ADGRV1: variants seen among roughly 807,000 people sequenced by gnomAD.
ADGRV1 encodes G-protein coupled receptor 98.
Under a neutral mutation model 596.2 loss-of-function variants are expected in ADGRV1, and 359 were observed. That is an observed-to-expected ratio of 0.60 (90% CI 0.55 to 0.66). ADGRV1 has a LOEUF of 0.66. Among genes scored for constraint, ADGRV1 ranks in the 30% least tolerant of loss-of-function variants. The probability of loss-of-function intolerance (pLI) is 0.00; values close to 1 mark genes in which losing one functional copy is unlikely to be tolerated. For synonymous variants in ADGRV1, 2,681 were observed against 2,679.2 expected (o/e 1.00, Z -0.02); for missense variants, 7,274 against 7,575.6 (o/e 0.96, Z 1.48).
chr5:90,960,535 C>T (rs920270921), intron 83 of ADGRV1, among the ~76,000 whole-genome samples: 9 of 151,918 alleles, frequency 5.9e-5, no homozygotes, highest in Non-Finnish European at 1.0e-4. Context: ...TTATTTAAAA[C>T]GAGATTTATA....
chr5:90,865,901 C>T (rs1768044767), intron 83 of ADGRV1, among the ~76,000 whole-genome samples: 1 of 152,118 alleles, frequency 6.6e-6, no homozygotes, highest in South Asian at 2.1e-4. Flanking sequence ...GGAGTTATTA[C>T]AGTTCCAGCC....
In ADGRV1 at chr5:90,783,263, C is replaced by T; in HGVS notation, c.13371C>T (p.Val4457=). Residue 4457 remains valine, a synonymous_variant, in exon 66 of 90, where the codon GTC becomes GTT. Coordinates refer to ENST00000405460, the MANE Select transcript of ADGRV1 (RefSeq NM_032119.4). ...GVDYILHGST[V]TFQHGQNLSF... Reference sequence around the variant, plus strand: ...ATTACATTTTGCATGGCAGTACAGTCACCTTTCAGCATGGGCAAAACTTAA... The same window carrying T: ...ATTACATTTTGCATGGCAGTACAGTTACCTTTCAGCATGGGCAAAACTTAA... 2 of 1,613,506 alleles carry T rather than the reference C, an allele frequency of 1.2e-6. No individual in the cohort carries two copies. The highest frequency in any genetic ancestry group is 1.7e-6 in the Non-Finnish European group (2 of 1,179,528).
chr5:90,788,686 G>A (rs1759740179), intron 68 of ADGRV1, among the ~76,000 whole-genome samples: 1 of 151,322 alleles, frequency 6.6e-6, no homozygotes, highest in South Asian at 2.1e-4. Flanking sequence ...ATAGTTTGAA[G>A]GAAAAAATGG....
At chr5:90,600,063 C>T (rs1040302595) in intron 1 of ADGRV1, among the ~76,000 whole-genome samples, 4 of 152,052 alleles carry the variant, frequency 2.6e-5, no homozygotes, top group South Asian at 2.1e-4. Flanking sequence ...TAATATGACA[C>T]GCAAATACCT....
At chr5:91,030,564 G>GTCTTT (rs1554200824) in intron 85 of ADGRV1, among the ~76,000 whole-genome samples, 1 of 76,490 alleles carries the variant, frequency 1.3e-5, no homozygotes, top group Non-Finnish European at 3.0e-5. Flanking sequence ...ACTTTTGAGA[G>GTCTTT]TTCTTTTTAT....
intron 29 of ADGRV1, among the ~76,000 whole-genome samples, chr5:90,688,907 T>A (rs1453740987): frequency 6.6e-6 from 1 of 152,152 alleles, no homozygotes; most frequent in Non-Finnish European, 1.5e-5. Context: ...TATTTATTTG[T>A]GAAGAGCAAG....
intron 85 of ADGRV1, among the ~76,000 whole-genome samples, chr5:91,033,377 C>T (rs1044826229): frequency 1.3e-5 from 2 of 152,074 alleles, no homozygotes; most frequent in African/African-American, 4.8e-5. Flanking sequence ...AGATTCCAGA[C>T]CAGTTTTATG....
intron 20 of ADGRV1, chr5:90,654,183 A>G (rs1393535071): frequency 2.6e-5 from 14 of 537,608 alleles, no homozygotes; most frequent in South Asian, 6.4e-5. Context: ...AATAAACCCT[A>G]GCAGAGAGAT....
At chr5:91,097,021 G>T (rs1336211295) in intron 86 of ADGRV1, among the ~76,000 whole-genome samples, 4 of 152,132 alleles carry the variant, frequency 2.6e-5, no homozygotes, top group African/African-American at 9.7e-5. Context: ...GGTCATCCAT[G>T]GTGTAGCATA....
intron 38 of ADGRV1, among the ~76,000 whole-genome samples, chr5:90,707,561 G>A (rs1258003845): frequency 6.6e-6 from 1 of 152,020 alleles, no homozygotes; most frequent in Admixed American, 6.6e-5. Context: ...TTCCAAAGCT[G>A]TAAAATTAAA....
Position 90,848,087 on chromosome 5 carries a change from G to GT in ADGRV1, c.17020-541dup, listed in dbSNP as rs531418342. Among the ~76,000 whole-genome samples, 675 of 151,520 alleles carry GT rather than the reference G, an allele frequency of 4.5e-3. 4 individuals are homozygous for GT. The highest frequency in any genetic ancestry group is 0.015 in the African/African-American group (633 of 41,336). On this transcript the variant is annotated intron_variant, in intron 78 of 89. Transcript: ENST00000405460. ...GTCTCTCAAAAAAACAAATAACCCA[G>GT]TTTTTTTTTAGTAGGAAGGGTCATA...
chr5:90,611,566 A>T (rs1762731065), intron 1 of ADGRV1, among the ~76,000 whole-genome samples: 1 of 151,940 alleles, frequency 6.6e-6, no homozygotes, highest in Non-Finnish European at 1.5e-5. Context: ...GAGAAGAGGA[A>T]TGATGTCAGT....
intron 11 of ADGRV1, among the ~76,000 whole-genome samples, chr5:90,639,071 A>AACACACACACAC (rs67813883): frequency 0.056 from 8,313 of 147,944 alleles, 326 homozygotes; most frequent in Non-Finnish European, 0.079. Flanking sequence ...ACCAATTTAC[A>AACACACACACAC]ACACACACAC....
chr5:90,880,002 G>T (rs556579117), intron 83 of ADGRV1, among the ~76,000 whole-genome samples: 1 of 151,960 alleles, frequency 6.6e-6, no homozygotes, highest in South Asian at 2.1e-4. Flanking sequence ...GCAATTTTTA[G>T]ATTTCTATTT....
At chr5:91,099,019 G>C (rs79340025) in intron 86 of ADGRV1, among the ~76,000 whole-genome samples, 2,512 of 151,930 alleles carry the variant, frequency 0.017, 55 homozygotes, top group African/African-American at 0.054. Context: ...TGAGCCTTCT[G>C]GCCCTTTAGC....
At chr5:90,845,745 A>T (rs919545914) in intron 78 of ADGRV1, among the ~76,000 whole-genome samples, 6 of 151,930 alleles carry the variant, frequency 3.9e-5, no homozygotes, top group African/African-American at 1.5e-4. Context: ...GAGCTGTGTT[A>T]TTTTTTGCCT....
intron 27 of ADGRV1, among the ~76,000 whole-genome samples, chr5:90,682,026 C>T (rs1050950516): frequency 6.6e-6 from 1 of 151,990 alleles, no homozygotes; most frequent in Non-Finnish European, 1.5e-5. Context: ...ACCACCACGC[C>T]CGGCTAATTT....
In ADGRV1 at chr5:91,164,269, A is replaced by T. The variant is rs576792311; in HGVS notation, c.*369A>T. 1.2e-4 allele frequency: 40 copies of T among 329,510 alleles called. No individual in the cohort carries two copies. Among genetic ancestry groups the T allele is most frequent in the Non-Finnish European group, 2.2e-4 (37 of 167,992 alleles). The allele number at this position is 329,510 out of a possible 1,614,324, so 20.4% of individuals were successfully genotyped here. A position where few individuals can be genotyped will look rare whatever the true frequency, so the allele number is the denominator to read the frequency against. ...TAAAGAAACATTGTGCATGGGCAAAAAAAGCTAACTCTATATGTAGATGAT... is the reference window on the plus strand; with the variant it reads ...TAAAGAAACATTGTGCATGGGCAAATAAAGCTAACTCTATATGTAGATGAT... On this transcript the variant is annotated 3_prime_UTR_variant, in exon 90 of 90. Transcript: ENST00000405460.
Position 90,751,130 on chromosome 5 carries a change from A to G in ADGRV1, c.11121+433A>G, listed in dbSNP as rs367953275. ...GTGATATAGGTTGGGCTTCCTGTAA[A>G]TAGACTCTGAGATTGAGAGTTGTGG... On this transcript the variant is annotated intron_variant, in intron 53 of 89. Coordinates refer to ENST00000405460, the MANE Select transcript of ADGRV1 (RefSeq NM_032119.4). 3.3e-5 allele frequency among the ~76,000 whole-genome samples: 5 copies of G among 152,280 alleles called. No homozygotes were observed. The East Asian group carries it at 9.7e-4, about 29-fold the overall frequency.
Sources: gnomAD v4.1 joint callset for allele counts (sites outside exome capture counted in the v4.1 genomes callset) on GRCh38, gnomAD v4.1.1 for gene constraint, MANE v1.5 for transcripts, NCBI Gene and HGNC (gene_info 2026-07-23, HGNC 2026-07-21) for gene names.